Variants in LEKR1 observed in about 807,000 individuals in gnomAD.
LEKR1 encodes leucine, glutamate and lysine rich 1, also known as protein LEKR1.
A neutral mutation model predicts 72.4 loss-of-function variants in LEKR1; 59 were observed. That is an observed-to-expected ratio of 0.82 (90% CI 0.66 to 1.01). LEKR1 has a LOEUF of 1.01. LEKR1 is among the 50% of genes least tolerant of loss of function. The pLI is 0.00. For synonymous variants in LEKR1, 257 were observed against 263.2 expected (o/e 0.98, Z 0.23); for missense variants, 728 against 759.2 (o/e 0.96, Z 0.48).
intron 3 of LEKR1, among the ~76,000 whole-genome samples, chr3:156,881,660 C>T (rs1315614914): frequency 1.0e-4 from 15 of 149,618 alleles, no homozygotes; most frequent in Non-Finnish European, 2.1e-4. Flanking sequence ...CTTTAAAGTT[C>T]ATATGGAACC....
chr3:156,981,568 T>C (rs1392147563), intron 7 of LEKR1, among the ~76,000 whole-genome samples: 1 of 152,228 alleles, frequency 6.6e-6, no homozygotes, highest in East Asian at 1.9e-4. Context: ...GCCACTTAAA[T>C]GGCTCCAAGT....
rs140628608 is a variant in LEKR1, at chr3:156,915,122, A to G, written c.264-5453A>G. ...ATGTTCCTGCAAAGGACATGATCTC[A>G]TTCTTTTTTTATGGCTGTATCCAAT... On this transcript the variant is annotated intron_variant, in intron 3 of 12. Transcript: ENST00000356539. Among the ~76,000 whole-genome samples, 1,224 of 151,994 alleles carry G rather than the reference A, an allele frequency of 8.1e-3. 6 individuals are homozygous for G. Among genetic ancestry groups the G allele is most frequent in the Non-Finnish European group, 0.013 (889 of 67,890 alleles).
intron 3 of LEKR1, among the ~76,000 whole-genome samples, chr3:156,886,807 G>A (rs972125277): frequency 2.0e-5 from 3 of 152,216 alleles, no homozygotes; most frequent in Non-Finnish European, 2.9e-5. Context: ...GTTTGTCGCA[G>A]CGTGCTGCTT....
Position 157,011,448 on chromosome 3 carries a change from A to G in LEKR1, c.1145A>G (p.Glu382Gly), listed in dbSNP as rs1732877872. ...LMLISHQKSIEQLQETLRQKL... is the reference protein window; with the variant it reads ...LMLISHQKSIGQLQETLRQKL... ...CTGATTTCACATCAGAAAAGCATCGAGCAGCTGCAAGAAACCCTTAGACAG... is the reference window on the plus strand; with the variant it reads ...CTGATTTCACATCAGAAAAGCATCGGGCAGCTGCAAGAAACCCTTAGACAG... The change falls in exon 10 of 13, where the codon GAG becomes GGG. Residue 382 changes from glutamate (E) to glycine (G), a missense_variant. By Grantham distance (98) the Glu-to-Gly change is moderately conservative. Coordinates refer to ENST00000356539, the MANE Select transcript of LEKR1 (RefSeq NM_001004316.3). The G allele has an allele frequency of 1.2e-6, 2 of 1,613,272 alleles. No homozygotes were observed. The highest frequency in any genetic ancestry group is 2.2e-5 in the South Asian group (2 of 91,018).
At chr3:156,928,672 A>G (rs1483353761) in intron 5 of LEKR1, among the ~76,000 whole-genome samples, 4 of 152,076 alleles carry the variant, frequency 2.6e-5, no homozygotes, top group Non-Finnish European at 5.9e-5. Context: ...CCAGAGAAAG[A>G]GAGCTCAAAT....
chr3:156,887,975 T>C (rs143027727), intron 3 of LEKR1, among the ~76,000 whole-genome samples: 1 of 152,336 alleles, frequency 6.6e-6, no homozygotes, highest in East Asian at 1.9e-4. Context: ...CATCTATATT[T>C]TATCATTAAT....
chr3:156,840,717 G>A (rs1713802072), intron 2 of LEKR1, among the ~76,000 whole-genome samples: 1 of 152,192 alleles, frequency 6.6e-6, no homozygotes, highest in African/African-American at 2.4e-5. Flanking sequence ...CTGTAACCCA[G>A]CAGGAACAGG....
chr3:156,918,112 A>C (rs62275801), intron 3 of LEKR1, among the ~76,000 whole-genome samples: 4,835 of 152,272 alleles, frequency 0.032, 115 homozygotes, highest in Non-Finnish European at 0.047. Flanking sequence ...AAAGAAATAT[A>C]ATCATGGCAT....
chr3:156,855,059 A>G (rs990366148), intron 3 of LEKR1, among the ~76,000 whole-genome samples: 2 of 152,186 alleles, frequency 1.3e-5, no homozygotes, highest in Non-Finnish European at 2.9e-5. Context: ...TAATTTACTT[A>G]ATCAATTTTC....
At chr3:156,853,124 T>G in intron 3 of LEKR1, 142 bp downstream of exon 3, 1 of 395,922 alleles carries the variant, frequency 2.5e-6, no homozygotes, top group Non-Finnish European at 4.4e-6. Context: ...ATTATATTAA[T>G]AATTACTAAA....
chr3:157,023,343 G>A (rs1187198627), intron 10 of LEKR1, among the ~76,000 whole-genome samples: 1 of 152,150 alleles, frequency 6.6e-6, no homozygotes, highest in African/African-American at 2.4e-5. Context: ...AGTAGGCAGA[G>A]CCAAAACCAA....
At chr3:156,868,926 A>G (rs879809533) in intron 3 of LEKR1, among the ~76,000 whole-genome samples, 14 of 151,938 alleles carry the variant, frequency 9.2e-5, no homozygotes, top group Non-Finnish European at 1.9e-4. Context: ...TACCTTCTGC[A>G]TATAAGTAAG....
At chr3:157,032,467 A>G (rs527544324) in intron 12 of LEKR1, among the ~76,000 whole-genome samples, 1 of 152,326 alleles carries the variant, frequency 6.6e-6, no homozygotes, top group East Asian at 1.9e-4. Context: ...AATTGAATAC[A>G]TATGTTTATC....
chr3:156,947,149 T>G (rs1726758389), intron 6 of LEKR1, among the ~76,000 whole-genome samples: 2 of 151,192 alleles, frequency 1.3e-5, no homozygotes, highest in South Asian at 4.1e-4. Context: ...TTTCTTTTCT[T>G]CTAATTTTGG....
intron 12 of LEKR1, among the ~76,000 whole-genome samples, chr3:157,039,538 G>C (rs1735201798): frequency 6.6e-6 from 1 of 152,202 alleles, no homozygotes; most frequent in South Asian, 2.1e-4. Context: ...AGGACTGCTT[G>C]AGCCTCGGGG....
At chr3:156,944,863 G>C (rs1726546496) in intron 6 of LEKR1, among the ~76,000 whole-genome samples, 2 of 151,672 alleles carry the variant, frequency 1.3e-5, no homozygotes, top group South Asian at 4.1e-4. Context: ...ATTGTGAATA[G>C]TGCTGCAATA....
rs188880202 is a variant in LEKR1 at position 156,967,227 on chromosome 3, T to C, written c.746-11967T>C. Among the ~76,000 whole-genome samples, 953 of 152,218 alleles carry C rather than the reference T, an allele frequency of 6.3e-3. 11 individuals are homozygous for C. Among genetic ancestry groups the C allele is most frequent in the African/African-American group, 0.022 (913 of 41,532 alleles). The stretch of plus-strand genomic sequence containing the variant: ...ACTCTAGAAATCAGAACACCTCTCC[T>C]CCTCCAAAGGAACGCAGCTCCTCAC... On this transcript the variant is annotated intron_variant, in intron 6 of 12. Transcript: ENST00000356539.
At chr3:156,878,795 T>A (rs1718920677) in intron 3 of LEKR1, among the ~76,000 whole-genome samples, 1 of 152,078 alleles carries the variant, frequency 6.6e-6, no homozygotes, top group African/African-American at 2.4e-5. Context: ...CGGTGGGAAA[T>A]AATTGAATCA....
At chr3:156,952,481 T>C (rs985811554) in intron 6 of LEKR1, among the ~76,000 whole-genome samples, 4 of 151,430 alleles carry the variant, frequency 2.6e-5, no homozygotes, top group Non-Finnish European at 1.5e-5. Flanking sequence ...CAAAGCTAAA[T>C]ATTTCAAATA....
Sources: allele counts gnomAD v4.1 joint callset (sites outside exome capture counted in the v4.1 genomes callset), GRCh38; gene constraint gnomAD v4.1.1; transcripts MANE v1.5; gene names NCBI Gene and HGNC (gene_info 2026-07-23, HGNC 2026-07-21).